The following SLC2A6 variants were observed in gnomAD, a reference collection of about 807,000 sequenced individuals.
SLC2A6 encodes the protein solute carrier family 2 member 6, also known as solute carrier family 2, facilitated glucose transporter member 6.
In SLC2A6, 39 loss-of-function variants were observed where a neutral mutation model predicts 47.8. The observed-to-expected ratio is 0.82, with a 90% CI of 0.63 to 1.07. The LOEUF (loss-of-function observed/expected upper bound fraction) is 1.07. SLC2A6 is among the 50% of genes least tolerant of loss of function. The pLI, the probability that SLC2A6 is intolerant of heterozygous loss-of-function variation, is 0.00. For missense variants in SLC2A6, 650 were observed against 707.6 expected (o/e 0.92, Z 0.92); for synonymous variants, 346 against 324.1 (o/e 1.07, Z -0.73).
At chr9:133,472,819 G>A (rs954274822) in intron 9 of SLC2A6, among the ~76,000 whole-genome samples, 1 of 152,142 alleles carries the variant, frequency 6.6e-6, no homozygotes, top group Non-Finnish European at 1.5e-5. Flanking sequence ...TGGCTTCCGG[G>A]GCCCCTGGCA....
Position 133,477,187 on chromosome 9 carries a change from C to T in SLC2A6, c.310G>A (p.Asp104Asn), listed in dbSNP as rs1214343852. ...ATGCTCAGCTTCCGGCCCAGGAGGT[C>T]GTTGAGGATCATGGCACTCAGGCCT... The part of the protein sequence containing the change: ...AGGLSAMILN[D>N]LLGRKLSIMF... The change falls in exon 3 of 10, where the codon GAC (aspartate) becomes AAC (asparagine). Residue 104 changes from aspartate to asparagine, a missense_variant. Coordinates refer to ENST00000371899, the MANE Select transcript of SLC2A6 (RefSeq NM_017585.4). The T allele has an allele frequency of 3.9e-6, 6 of 1,550,744 alleles. No individual in the cohort carries two copies. Among genetic ancestry groups the T allele is most frequent in the South Asian group, 1.2e-5 (1 of 84,056 alleles).
intron 7 of SLC2A6, 110 bp downstream of exon 7, chr9:133,473,870 C>G: frequency 1.1e-6 from 1 of 916,542 alleles, no homozygotes; most frequent in East Asian, 2.8e-5. Context: ...GAGGCAGGTG[C>G]TCTGCAGTTC....
At chr9:133,475,888 G>A (rs879354878) in intron 4 of SLC2A6, among the ~76,000 whole-genome samples, 5 of 152,250 alleles carry the variant, frequency 3.3e-5, no homozygotes, top group Admixed American at 6.5e-5. Flanking sequence ...AGACCTCCAC[G>A]CCCCCTCAAC....
At position 133,472,052 on chromosome 9, in the gene SLC2A6, A is replaced by C; in HGVS notation, c.1493T>G (p.Phe498Cys). The C allele has an allele frequency of 1.2e-6, 2 of 1,613,116 alleles. No individual in the cohort carries two copies. Among genetic ancestry groups the C allele is most frequent in the South Asian group, 2.2e-5 (2 of 91,076 alleles). Residue 498 changes from phenylalanine to cysteine, a missense_variant, in exon 10 of 10, where the codon TTC becomes TGC. Coordinates refer to ENST00000371899, the MANE Select transcript of SLC2A6 (RefSeq NM_017585.4). ...GRSLEQIESF[F>C]RTGRRSFLR The stretch of plus-strand genomic sequence containing the variant: ...CAAGAAGGACCTTCTCCCCGTGCGG[A>C]AGAAGGACTCGATCTGCTCCAGGGA...
rs150066257 is a variant in SLC2A6 at position 133,476,836 on chromosome 9, G to C, written c.462+199C>G. ...GAAGGCTTGGAAAGTCCAGAGTGGG[G>C]GCAGCTGGGGACCTGGAGACAATTT... On this transcript the variant is annotated intron_variant, in intron 3 of 9. Coordinates refer to ENST00000371899, the MANE Select transcript of SLC2A6 (RefSeq NM_017585.4). Among the ~76,000 whole-genome samples, 20 of 152,366 alleles carry C rather than the reference G, an allele frequency of 1.3e-4. 1 individual carries two copies. The East Asian group carries it at 3.9e-3, about 29-fold the overall frequency.
In SLC2A6 at chr9:133,475,384, G is replaced by A. The variant is rs1014884351; in HGVS notation, c.774+16C>T. On this transcript the variant is annotated intron_variant, in intron 5 of 9. Transcript: ENST00000371899. The stretch of plus-strand genomic sequence containing the variant: ...GGAGGTGGGCCTGCCCGGTTCGGGC[G>A]CACACCCTCCTGCACCTGTCTCCGG... 20 of 1,573,076 alleles carry A rather than the reference G, an allele frequency of 1.3e-5. No homozygotes were observed. The South Asian group carries it at 1.5e-4, about 12-fold the overall frequency.
In SLC2A6 at chr9:133,473,139, G is replaced by A. The variant is rs782784877; in HGVS notation, c.1334C>T (p.Ala445Val). 7.4e-6 allele frequency: 12 copies of A among 1,611,612 alleles called. No individual in the cohort carries two copies. The highest frequency in any genetic ancestry group is 4.2e-6 in the Non-Finnish European group (5 of 1,179,576). ...GLCVLASWLTAFVLTKSFLPV... is the reference protein window; with the variant it reads ...GLCVLASWLTVFVLTKSFLPV... ...CAGGAAGGACTTGGTGAGGACGAAG[G>A]CGGTGAGCCAGCTGGCCAGCACGCA... The change falls in exon 9 of 10, where the codon GCC (alanine) becomes GTC (valine). Residue 445 changes from alanine to valine, a missense_variant. Transcript: ENST00000371899.
In SLC2A6 at chr9:133,474,107, C is replaced by T. The variant is rs141636449; in HGVS notation, c.928-19G>A. The T allele has an allele frequency of 1.6e-3, 2,558 of 1,572,788 alleles. 37 individuals are homozygous for T. Among genetic ancestry groups the T allele is most frequent in the East Asian group, 9.7e-3 (424 of 43,822 alleles). On this transcript the variant is annotated intron_variant, in intron 6 of 9. Transcript: ENST00000371899. ...TGGGGGGCTATCGGGGGGAGACCAC[C>T]AGGGCTGAGGGACCTGCCTGCTGTT...
rs1843841357 is a variant in SLC2A6 at position 133,473,990 on chromosome 9, G to C, written c.1026C>G (p.Leu342=). Residue 342 remains leucine, a synonymous_variant, in exon 7 of 10, where the codon CTC becomes CTG. Coordinates refer to ENST00000371899, the MANE Select transcript of SLC2A6 (RefSeq NM_017585.4). ...CTGCAGGGTGCTTACCTGAGACGAA[G>C]AGCAGCACCTTGCGGCCTGCGAGGT... is the stretch of plus-strand genomic sequence containing the variant. ...TMDLAGRKVL[L]FVSAAIMFAA... is the part of the protein sequence containing the mutation. 1 of 1,608,344 alleles carries C rather than the reference G, an allele frequency of 6.2e-7. No homozygotes were observed. The highest frequency in any genetic ancestry group is 8.5e-7 in the Non-Finnish European group (1 of 1,177,552).
At position 133,477,101 on chromosome 9, in the gene SLC2A6, G is replaced by A; in HGVS notation, c.396C>T (p.Leu132=). 6.5e-7 allele frequency: 1 copy of A among 1,546,818 alleles called. No individual in the cohort carries two copies. The highest frequency in any genetic ancestry group is 2.4e-5 in the East Asian group (1 of 40,900). Reference sequence around the variant, plus strand: ...GCGTCCTTCCGAGCAGCAGCATCCAGAGGCCGTGCGCACCCGCCATGAGCG... The same window carrying A: ...GCGTCCTTCCGAGCAGCAGCATCCAAAGGCCGTGCGCACCCGCCATGAGCG... ...GYALMAGAHG[L]WMLLLGRTLT... The change falls in exon 3 of 10, where the codon CTC becomes CTT. Residue 132 remains leucine, a synonymous_variant. Transcript: ENST00000371899.
In SLC2A6 at chr9:133,478,344, G is replaced by A. The variant is rs782474382; in HGVS notation, c.165C>T (p.Ala55=). The change falls in exon 2 of 10, where the codon GCC becomes GCT. Residue 55 remains alanine (A), a synonymous_variant. Coordinates refer to ENST00000371899, the MANE Select transcript of SLC2A6 (RefSeq NM_017585.4). The part of the protein sequence containing the change: ...AVLGNFSFGY[A]LVYTSPVIPA... ...GGATGACAGGGGATGTGTAGACCAG[G>A]GCATACCCAAAGCTGAAATTGCCGA... is the stretch of plus-strand genomic sequence containing the variant. 5 of 1,614,174 alleles carry A rather than the reference G, an allele frequency of 3.1e-6. No homozygotes were observed. In the South Asian group the frequency reaches 5.5e-5, roughly 18 times the overall value.
rs1554803621 is a variant in SLC2A6 at position 133,477,138 on chromosome 9, G to T, written c.359C>A (p.Ala120Glu). 1 of 1,549,558 alleles carries T rather than the reference G, an allele frequency of 6.5e-7. No individual in the cohort carries two copies. ...LSIMFSAVPS[A>E]AGYALMAGAH... Reference sequence around the variant, plus strand: ...ACCCGCCATGAGCGCATAGCCGGCCGCCGACGGCACAGCTGAGAACATGAT... The same window carrying T: ...ACCCGCCATGAGCGCATAGCCGGCCTCCGACGGCACAGCTGAGAACATGAT... Residue 120 changes from alanine to glutamate, a missense_variant, in exon 3 of 10, where the codon GCG (alanine) becomes GAG (glutamate). By Grantham distance (107) the Ala-to-Glu change is moderately radical. Transcript: ENST00000371899.
chr9:133,473,968 C>T lies in SLC2A6; in HGVS notation c.1036+12G>A. On this transcript the variant is annotated intron_variant, in intron 7 of 9. Coordinates refer to ENST00000371899, the MANE Select transcript of SLC2A6 (RefSeq NM_017585.4). ...AGGAGTGGGGCAGGAGGGCTGCCTGCAGGGTGCTTACCTGAGACGAAGAGC... is the reference window on the plus strand; with the variant it reads ...AGGAGTGGGGCAGGAGGGCTGCCTGTAGGGTGCTTACCTGAGACGAAGAGC... The T allele has an allele frequency of 1.9e-6, 3 of 1,590,930 alleles. No individual in the cohort carries two copies. The highest frequency in any genetic ancestry group is 2.6e-6 in the Non-Finnish European group (3 of 1,166,038).
At chr9:133,473,347 C>T (rs1350182770) in intron 8 of SLC2A6, 68 bp downstream of exon 8, 15 of 1,541,338 alleles carry the variant, frequency 9.7e-6, no homozygotes, top group Middle Eastern at 2.3e-4. Context: ...TCTCCAGCCA[C>T]CCCAGACACA....
chr9:133,477,124 G>A lies in SLC2A6; in HGVS notation c.373C>T (p.Leu125Phe). The change falls in exon 3 of 10, where the codon CTC becomes TTC. Residue 125 changes from leucine (L) to phenylalanine (F), a missense_variant. By Grantham distance (22) the Leu-to-Phe change is conservative. Coordinates refer to ENST00000371899, the MANE Select transcript of SLC2A6 (RefSeq NM_017585.4). Reference protein sequence around the residue: ...SAVPSAAGYALMAGAHGLWML... With the variant: ...SAVPSAAGYAFMAGAHGLWML... The stretch of plus-strand genomic sequence containing the variant: ...CAGAGGCCGTGCGCACCCGCCATGA[G>A]CGCATAGCCGGCCGCCGACGGCACA... 6.5e-7 allele frequency: 1 copy of A among 1,549,424 alleles called. No homozygotes were observed. The highest frequency in any genetic ancestry group is 8.7e-7 in the Non-Finnish European group (1 of 1,146,520).
rs782178922 is a variant in SLC2A6 at position 133,479,075 on chromosome 9, G to A, written c.-16C>T. 6.3e-7 allele frequency: 1 copy of A among 1,576,854 alleles called. No homozygotes were observed. The highest frequency in any genetic ancestry group is 8.6e-7 in the Non-Finnish European group (1 of 1,166,350). ...GCTCCTGCATGGCCGGGTCTCTCTC[G>A]GGGCGAGCGGAGGGCGCTCAGACTG... On this transcript the variant is annotated 5_prime_UTR_variant, in exon 1 of 10. Coordinates refer to ENST00000371899, the MANE Select transcript of SLC2A6 (RefSeq NM_017585.4).
intron 3 of SLC2A6, 93 bp downstream of exon 3, chr9:133,476,942 A>G: frequency 1.5e-6 from 2 of 1,355,334 alleles, no homozygotes; most frequent in Non-Finnish European, 2.0e-6. Flanking sequence ...CTCATTGCCC[A>G]GAAGGCATGG....
In SLC2A6 at chr9:133,478,137, G is replaced by A. The variant is rs1025881097; in HGVS notation, c.255+117C>T. The A allele has an allele frequency of 1.3e-5, 14 of 1,085,632 alleles. No homozygotes were observed. In the Admixed American group the frequency reaches 2.7e-4, roughly 21 times the overall value. The allele number at this position is 1,085,632 out of a possible 1,614,324, so 67.2% of individuals were successfully genotyped here. A position where few individuals can be genotyped will look rare whatever the true frequency, so the allele number is the denominator to read the frequency against. ...GTGGCCTGGATGGCTGGGGGAGGGGGGACCAGGGCCCTGGAGGGACCCCCA... is the reference window on the plus strand; with the variant it reads ...GTGGCCTGGATGGCTGGGGGAGGGGAGACCAGGGCCCTGGAGGGACCCCCA... On this transcript the variant is annotated intron_variant, in intron 2 of 9. Coordinates refer to ENST00000371899, the MANE Select transcript of SLC2A6 (RefSeq NM_017585.4).
At chr9:133,475,223 G>A in intron 5 of SLC2A6, 110 bp from the exon 6 acceptor site, 3 of 1,413,138 alleles carry the variant, frequency 2.1e-6, no homozygotes, top group Non-Finnish European at 2.8e-6. Flanking sequence ...CCCTCCTCCA[G>A]GAAAGAACCA....
Sources: allele counts gnomAD v4.1 joint callset (sites outside exome capture counted in the v4.1 genomes callset), GRCh38; gene constraint gnomAD v4.1.1; transcripts MANE v1.5; gene names NCBI Gene and HGNC (gene_info 2026-07-23, HGNC 2026-07-21).